HTR2C: variants seen among roughly 807,000 people sequenced by gnomAD.
The protein encoded by HTR2C is 5-hydroxytryptamine (serotonin) receptor 2C, G protein-coupled.
A neutral mutation model predicts 21.0 loss-of-function variants in HTR2C; 5 were observed. The observed-to-expected ratio is 0.24, with a 90% CI of 0.12 to 0.50. The LOEUF is 0.50. Among genes scored for constraint, HTR2C ranks in the 20% least tolerant of loss-of-function variants. HTR2C has a pLI of 0.98. For synonymous variants in HTR2C, 150 were observed against 145.3 expected (o/e 1.03, Z -0.23); for missense variants, 271 against 371.2 (o/e 0.73, Z 2.22).
intron 2 of HTR2C, among the ~76,000 whole-genome samples, chrX:114,654,026 T>G: frequency 9.0e-6 from 1 of 110,627 alleles, no homozygotes; most frequent in East Asian, 2.8e-4. Flanking sequence ...TTAACCTTCC[T>G]GAGCCTTTAG....
chrX:114,820,283 A>G (rs2070620314), intron 4 of HTR2C, among the ~76,000 whole-genome samples: 1 of 110,094 alleles, frequency 9.1e-6, no homozygotes, highest in Non-Finnish European at 1.9e-5. Context: ...TTGATACAGG[A>G]ATGGAATGTA....
chrX:114,761,896 T>C (rs1283886146), intron 4 of HTR2C, among the ~76,000 whole-genome samples: 3 of 108,579 alleles, frequency 2.8e-5, no homozygotes, highest in African/African-American at 1.1e-4. Context: ...TATGTGTATA[T>C]ATACATATAT....
intron 2 of HTR2C, among the ~76,000 whole-genome samples, chrX:114,623,906 G>GTTTT (rs35930521): frequency 0.015 from 1,057 of 68,964 alleles, 3 homozygotes; most frequent in Non-Finnish European, 0.019. Flanking sequence ...TTTTGTTGTT[G>GTTTT]TTTTTTTTTT....
At chrX:114,849,702 A>C (rs185223753) in intron 5 of HTR2C, among the ~76,000 whole-genome samples, 50 of 112,261 alleles carry the variant, frequency 4.5e-4, no homozygotes, top group African/African-American at 1.5e-3. Flanking sequence ...GCCCTGGTTC[A>C]AGTCATCTAT....
chrX:114,778,106 G>A (rs925109301), intron 4 of HTR2C, among the ~76,000 whole-genome samples: 7 of 111,382 alleles, frequency 6.3e-5, no homozygotes, highest in Admixed American at 5.7e-4. Flanking sequence ...AAAGTAGAAT[G>A]TACTGGAAGT....
At chrX:114,698,151 T>C (rs782106947) in intron 2 of HTR2C, among the ~76,000 whole-genome samples, 21 of 112,163 alleles carry the variant, frequency 1.9e-4, no homozygotes, top group Non-Finnish European at 3.8e-4. Context: ...GTAGAAGCTT[T>C]TTCATGCTTC....
chrX:114,791,000 A>G (rs962185556), intron 4 of HTR2C, among the ~76,000 whole-genome samples: 8 of 108,470 alleles, frequency 7.4e-5, no homozygotes, highest in Admixed American at 3.0e-4. Flanking sequence ...CCTGTCTCCA[A>G]AAAAAAAAAA....
chrX:114,800,325 A>T (rs999468859), intron 4 of HTR2C, among the ~76,000 whole-genome samples: 2 of 111,803 alleles, frequency 1.8e-5, no homozygotes, highest in Non-Finnish European at 3.8e-5. Context: ...TAACAGAAAT[A>T]ATATGATTTC....
chrX:114,660,762 A>G (rs1361712539), intron 2 of HTR2C, among the ~76,000 whole-genome samples: 2 of 112,335 alleles, frequency 1.8e-5, no homozygotes, highest in African/African-American at 3.2e-5. Flanking sequence ...GTATCAGTGA[A>G]TAAGGTATAC....
intron 2 of HTR2C, among the ~76,000 whole-genome samples, chrX:114,683,203 T>C (rs1221494188): frequency 9.0e-6 from 1 of 111,617 alleles, no homozygotes; most frequent in Non-Finnish European, 1.9e-5. Context: ...TGATTGCTCT[T>C]TGAGGTTCTT....
At chrX:114,834,568 CTCCA>C (rs2070762273) in intron 4 of HTR2C, among the ~76,000 whole-genome samples, 1 of 108,849 alleles carries the variant, frequency 9.2e-6, no homozygotes, top group African/African-American at 3.4e-5. Flanking sequence ...GTAGATCTTC[CTCCA>C]TCCTTTTATT....
intron 4 of HTR2C, among the ~76,000 whole-genome samples, chrX:114,734,862 A>T (rs974764963): frequency 1.5e-4 from 17 of 111,476 alleles, no homozygotes; most frequent in Admixed American, 2.9e-4. Flanking sequence ...ACTCTATATA[A>T]TAGATGCCAT....
At chrX:114,847,352 C>T (rs1450803226) in intron 4 of HTR2C, among the ~76,000 whole-genome samples, 2 of 94,862 alleles carry the variant, frequency 2.1e-5, no homozygotes, top group African/African-American at 7.9e-5. Context: ...AAACCAAACA[C>T]TGCATGTTCT....
At chrX:114,781,675 A>T (rs73571403) in intron 4 of HTR2C, among the ~76,000 whole-genome samples, 27 of 109,194 alleles carry the variant, frequency 2.5e-4, no homozygotes, top group Non-Finnish European at 4.7e-4. Context: ...TAATTTTTAA[A>T]TTTTTTGTAG....
At chrX:114,613,475 G>A (rs1928829535) in intron 1 of HTR2C, among the ~76,000 whole-genome samples, 1 of 110,523 alleles carries the variant, frequency 9.0e-6, no homozygotes, top group Admixed American at 9.7e-5. Context: ...TTATTAACAA[G>A]GTCTTCATGA....
At chrX:114,700,186 C>T in intron 2 of HTR2C, among the ~76,000 whole-genome samples, 1 of 111,389 alleles carries the variant, frequency 9.0e-6, no homozygotes, top group Middle Eastern at 4.7e-3. Context: ...GCTCACATAC[C>T]ACTCAAAATC....
intron 2 of HTR2C, among the ~76,000 whole-genome samples, chrX:114,629,348 A>T (rs1487264779): frequency 8.9e-6 from 1 of 111,904 alleles, no homozygotes; most frequent in East Asian, 2.8e-4. Flanking sequence ...AAAAGCCGTT[A>T]GCCAAGAAGG....
chrX:114,775,273 T>G, intron 4 of HTR2C: 2 of 523,598 alleles, frequency 3.8e-6, no homozygotes, highest in Non-Finnish European at 7.0e-6. Context: ...GTAATCGTGT[T>G]CTCTTTTCCT....
At chrX:114,861,725 T>A (rs973864340) in intron 5 of HTR2C, among the ~76,000 whole-genome samples, 15 of 111,304 alleles carry the variant, frequency 1.3e-4, no homozygotes, top group African/African-American at 4.2e-4. Flanking sequence ...GCATCCCTGA[T>A]GATTAATTGA....
Sources: allele counts gnomAD v4.1 joint callset (sites outside exome capture counted in the v4.1 genomes callset), GRCh38; gene constraint gnomAD v4.1.1; transcripts MANE v1.5; gene names NCBI Gene and HGNC (gene_info 2026-07-23, HGNC 2026-07-21).